Variants in GPRC5B observed in about 807,000 individuals in gnomAD.
GPRC5B encodes G protein-coupled receptor family C group 5 member B.
A neutral mutation model predicts 30.1 loss-of-function variants in GPRC5B; 16 were observed. The observed-to-expected ratio is 0.53, with a 90% CI of 0.36 to 0.81. GPRC5B has a LOEUF of 0.81. GPRC5B is among the 30% of genes least tolerant of loss of function. The pLI, the probability that GPRC5B is intolerant of heterozygous loss-of-function variation, is 0.01. For missense variants in GPRC5B, 428 were observed against 544.7 expected, an observed-to-expected ratio of 0.79 and a Z score of 2.13; for synonymous variants, 241 against 239.5, an observed-to-expected ratio of 1.01 and a Z score of -0.06.
At chr16:19,877,569 C>G (rs1416154587) in intron 1 of GPRC5B, among the ~76,000 whole-genome samples, 2 of 152,100 alleles carry the variant, frequency 1.3e-5, no homozygotes, top group African/African-American at 4.8e-5. Context: ...AGAAATGCCC[C>G]CCAGAGTTTC....
intron 1 of GPRC5B, among the ~76,000 whole-genome samples, chr16:19,884,397 C>T (rs578103204): frequency 1.3e-5 from 2 of 151,626 alleles, no homozygotes; most frequent in South Asian, 4.2e-4. Flanking sequence ...GCTCCTTTAC[C>T]CTCCCAGCTG....
intron 1 of GPRC5B, among the ~76,000 whole-genome samples, chr16:19,878,670 G>A (rs1484414844): frequency 1.3e-5 from 2 of 152,020 alleles, no homozygotes; most frequent in Non-Finnish European, 2.9e-5. Context: ...CCTCATGCCC[G>A]GGACCTTGTC....
Position 19,872,297 on chromosome 16 carries a change from G to T in GPRC5B, c.549C>A (p.Leu183=). 1 of 1,613,824 alleles carries T rather than the reference G, an allele frequency of 6.2e-7. No individual in the cohort carries two copies. Residue 183 remains leucine (L), a synonymous_variant, in exon 2 of 4, where the codon CTC becomes CTA. Coordinates refer to ENST00000300571, the MANE Select transcript of GPRC5B (RefSeq NM_016235.3). The surrounding 1 kb of genome is among the most constrained non-coding windows in gnomAD (Gnocchi z 5.0). ...QVIIAVEWLV[L]TVLRDTRPAC... The stretch of plus-strand genomic sequence containing the variant: ...CTGGCCTTGTGTCACGCAGCACGGT[G>T]AGCACCAGCCACTCCACAGCGATGA...
chr16:19,868,181 C>T (rs1318562203), intron 2 of GPRC5B, among the ~76,000 whole-genome samples: 4 of 152,048 alleles, frequency 2.6e-5, no homozygotes. Flanking sequence ...TTGAGACCAG[C>T]CTGACCAACA....
chr16:19,880,698 G>A (rs2056800572), intron 1 of GPRC5B, among the ~76,000 whole-genome samples: 1 of 152,182 alleles, frequency 6.6e-6, no homozygotes, highest in South Asian at 2.1e-4. Context: ...GGGGTGCCCT[G>A]AAACCAGGCA....
At chr16:19,864,005 C>A (rs941647294) in intron 2 of GPRC5B, among the ~76,000 whole-genome samples, 1 of 151,964 alleles carries the variant, frequency 6.6e-6, no homozygotes, top group Non-Finnish European at 1.5e-5. Context: ...GCTGCTTTAG[C>A]CTACTCACAT....
At chr16:19,862,734 C>T (rs1311844783) in intron 2 of GPRC5B, among the ~76,000 whole-genome samples, 2 of 152,168 alleles carry the variant, frequency 1.3e-5, no homozygotes, top group Admixed American at 1.3e-4. Context: ...GCCTGGCCAA[C>T]ATGGCAAAAC....
intron 1 of GPRC5B, among the ~76,000 whole-genome samples, chr16:19,884,474 T>G: frequency 6.7e-6 from 1 of 148,424 alleles, no homozygotes; most frequent in Non-Finnish European, 1.5e-5. Flanking sequence ...CCGGGCACAG[T>G]CTCCCTCCCC....
rs750228580 is a variant in GPRC5B at position 19,857,459 on chromosome 16, CAACA to C, written c.*3037_*3040del. 1 of 441,360 alleles carries C rather than the reference CAACA, an allele frequency of 2.3e-6. No individual in the cohort carries two copies. Among genetic ancestry groups the C allele is most frequent in the South Asian group, 1.7e-5 (1 of 60,448 alleles). 27.3% of individuals were successfully genotyped at this position (441,360 alleles called of 1,614,324 possible). A position where few individuals can be genotyped will look rare whatever the true frequency, so the allele number is the denominator to read the frequency against. Reference sequence around the variant, plus strand: ...CTTTAACTTCTTTTTTATAAGTATGCAACAGTCAGCCGGGGGAAGATAAAGGTAC... The same window carrying C: ...CTTTAACTTCTTTTTTATAAGTATGCGTCAGCCGGGGGAAGATAAAGGTAC... On this transcript the variant is annotated 3_prime_UTR_variant, in exon 4 of 4. Coordinates refer to ENST00000300571, the MANE Select transcript of GPRC5B (RefSeq NM_016235.3).
At chr16:19,873,074 G>A (rs2056736129) in intron 1 of GPRC5B, among the ~76,000 whole-genome samples, 1 of 152,064 alleles carries the variant, frequency 6.6e-6, no homozygotes, top group Non-Finnish European at 1.5e-5. Context: ...CATCATCACT[G>A]GTGGCTGAAG....
At chr16:19,881,835 A>G (rs1420965322) in intron 1 of GPRC5B, among the ~76,000 whole-genome samples, 1 of 152,202 alleles carries the variant, frequency 6.6e-6, no homozygotes, top group Non-Finnish European at 1.5e-5. Flanking sequence ...GAAGGCAGAG[A>G]CGTCAGGAAA....
intron 1 of GPRC5B, among the ~76,000 whole-genome samples, chr16:19,876,716 C>T (rs960571991): frequency 6.6e-6 from 1 of 152,210 alleles, no homozygotes; most frequent in African/African-American, 2.4e-5. Flanking sequence ...GTTTCCAGCT[C>T]CTGACTCCTC....
chr16:19,874,614 C>T (rs1016678578), intron 1 of GPRC5B: 2 of 152,254 alleles, frequency 1.3e-5, no homozygotes, highest in African/African-American at 2.4e-5. Flanking sequence ...TTGCAGGATG[C>T]TTAGCAGCAT....
chr16:19,865,908 G>C (rs2056662552), intron 2 of GPRC5B, among the ~76,000 whole-genome samples: 1 of 151,572 alleles, frequency 6.6e-6, no homozygotes, highest in African/African-American at 2.4e-5. Flanking sequence ...CTTAATCACA[G>C]TTGAGCAAGC....
chr16:19,873,829 G>C (rs1415994578), intron 1 of GPRC5B, among the ~76,000 whole-genome samples: 1 of 152,130 alleles, frequency 6.6e-6, no homozygotes, highest in African/African-American at 2.4e-5. Flanking sequence ...CCAGGCTGGA[G>C]TGCAGTGGCG....
upstream of GPRC5B, chr16:19,885,068 TC>T: frequency 2.8e-6 from 2 of 716,118 alleles, no homozygotes; most frequent in Non-Finnish European, 4.1e-6. This position sits in a 1 kb window ranked among gnomAD's most constrained non-coding sequence, Gnocchi z 5.3. Context: ...CAGAGACGAT[TC>T]CCCCGACCTC....
intron 2 of GPRC5B, among the ~76,000 whole-genome samples, chr16:19,864,729 T>C (rs1298279115): frequency 6.6e-6 from 1 of 152,234 alleles, no homozygotes; most frequent in Non-Finnish European, 1.5e-5. Context: ...CTCTGCCTCA[T>C]GGGGCCTGGT....
chr16:19,858,538 A>G lies in GPRC5B; in HGVS notation c.*1962T>C, dbSNP rs746295550. On this transcript the variant is annotated 3_prime_UTR_variant, in exon 4 of 4. Transcript: ENST00000300571. ...GGACTCCAGAGAGCGGGGGTGAGTA[A>G]CCATTTCCTGGCACGAGAATGTGTA... The G allele has an allele frequency of 9.4e-5, 65 of 693,200 alleles. No homozygotes were observed. The highest frequency in any genetic ancestry group is 1.6e-4 in the Non-Finnish European group (61 of 380,614). The allele number at this position is 693,200 out of a possible 1,614,324, so 42.9% of individuals were successfully genotyped here.
intron 1 of GPRC5B, among the ~76,000 whole-genome samples, chr16:19,875,049 TC>T (rs2141148750): frequency 1.3e-5 from 2 of 152,192 alleles, no homozygotes; most frequent in East Asian, 3.9e-4. Flanking sequence ...CCCTGGGGCT[TC>T]CCTAAGTAAA....
Sources: gnomAD v4.1 joint callset for allele counts (sites outside exome capture counted in the v4.1 genomes callset) on GRCh38, gnomAD v4.1.1 for gene constraint, Gnocchi (gnomAD v3.1) non-coding constraint, MANE v1.5 for transcripts, NCBI Gene and HGNC (gene_info 2026-07-23, HGNC 2026-07-21) for gene names.